ADCY2: variants seen among roughly 807,000 people sequenced by gnomAD.
ADCY2 encodes the protein adenylate cyclase type 2.
Under a neutral mutation model 125.2 loss-of-function variants are expected in ADCY2, and 31 were observed. The ratio of observed to expected loss-of-function variants is 0.25; its 90% CI spans 0.19 to 0.33. ADCY2 has a LOEUF of 0.33. Among genes scored for constraint, ADCY2 ranks in the 10% least tolerant of loss-of-function variants. ADCY2 has a pLI of 1.00. For missense variants in ADCY2, 904 were observed against 1,418.2 expected (o/e 0.64, Z 5.82); for synonymous variants, 512 against 548.4 (o/e 0.93, Z 0.93).
intron 22 of ADCY2, among the ~76,000 whole-genome samples, chr5:7,811,578 A>G (rs930717882): frequency 6.6e-6 from 1 of 152,048 alleles, no homozygotes; most frequent in Non-Finnish European, 1.5e-5. Context: ...ATTTTATCCA[A>G]ATATTATCTA....
intron 2 of ADCY2, among the ~76,000 whole-genome samples, chr5:7,470,922 T>G (rs1206490322): frequency 6.6e-6 from 1 of 151,888 alleles, no homozygotes; most frequent in East Asian, 1.9e-4. Flanking sequence ...CGATAGCTTT[T>G]GCTTTATGAA....
intron 2 of ADCY2, among the ~76,000 whole-genome samples, chr5:7,435,184 A>T (rs1740750885): frequency 6.6e-6 from 1 of 152,190 alleles, no homozygotes; most frequent in Non-Finnish European, 1.5e-5. Flanking sequence ...TGTTACGTGA[A>T]GATTCTGTGA....
intron 2 of ADCY2, among the ~76,000 whole-genome samples, chr5:7,430,582 A>G (rs1255935091): frequency 6.7e-6 from 1 of 149,172 alleles, no homozygotes; most frequent in Non-Finnish European, 1.5e-5. Flanking sequence ...GTGTATATAT[A>G]TAAAGGATAA....
At chr5:7,670,129 T>A (rs933956479) in intron 4 of ADCY2, among the ~76,000 whole-genome samples, 3 of 152,206 alleles carry the variant, frequency 2.0e-5, no homozygotes, top group Non-Finnish European at 4.4e-5. Context: ...GCCCAGTATA[T>A]GAAAAACACT....
intron 3 of ADCY2, among the ~76,000 whole-genome samples, chr5:7,625,015 T>A (rs1738075957): frequency 6.6e-6 from 1 of 152,264 alleles, no homozygotes; most frequent in African/African-American, 2.4e-5. Flanking sequence ...ACACTGTTGA[T>A]GATAATGTAA....
At chr5:7,455,382 C>A (rs968940795) in intron 2 of ADCY2, among the ~76,000 whole-genome samples, 1 of 152,218 alleles carries the variant, frequency 6.6e-6, no homozygotes, top group African/African-American at 2.4e-5. Context: ...TGCAACACAG[C>A]TGATGAAAGT....
At chr5:7,686,808 A>G (rs1194335286) in intron 4 of ADCY2, among the ~76,000 whole-genome samples, 1 of 152,254 alleles carries the variant, frequency 6.6e-6, no homozygotes, top group African/African-American at 2.4e-5. Context: ...TTTATCATGG[A>G]TGCCATAATA....
At position 7,620,457 on chromosome 5, in the gene ADCY2, C is replaced by T. The variant is rs148556521; in HGVS notation, c.571-5710C>T. 1.2e-4 allele frequency among the ~76,000 whole-genome samples: 18 copies of T among 152,334 alleles called. No homozygotes were observed. The East Asian group carries it at 3.5e-3, about 29-fold the overall frequency. On this transcript the variant is annotated intron_variant, in intron 3 of 24. Transcript: ENST00000338316. ...GACTTCAAATTAGAAGATCCTAGCA[C>T]ATGACCTAAAGATCACTGGATGTCA...
intron 23 of ADCY2, among the ~76,000 whole-genome samples, chr5:7,818,162 G>A (rs915942550): frequency 2.0e-5 from 3 of 152,094 alleles, no homozygotes; most frequent in Middle Eastern, 3.4e-3. Context: ...GGTTTTTAAC[G>A]CTCTCTTACA....
At chr5:7,590,634 T>C (rs1736824195) in intron 3 of ADCY2, among the ~76,000 whole-genome samples, 1 of 151,892 alleles carries the variant, frequency 6.6e-6, no homozygotes, top group African/African-American at 2.4e-5. Flanking sequence ...TGTTGCCTGG[T>C]TTTCTGTCAT....
intron 2 of ADCY2, among the ~76,000 whole-genome samples, chr5:7,499,613 G>T (rs1743472534): frequency 7.6e-6 from 1 of 131,750 alleles, no homozygotes; most frequent in Non-Finnish European, 1.6e-5. Context: ...ACCTATTTAG[G>T]AACAGAGCAC....
chr5:7,611,649 A>G (rs891250096), intron 3 of ADCY2, among the ~76,000 whole-genome samples: 6 of 152,180 alleles, frequency 3.9e-5, no homozygotes, highest in Non-Finnish European at 8.8e-5. Flanking sequence ...CCAGAAATGC[A>G]TTTAGACTTG....
intron 2 of ADCY2, among the ~76,000 whole-genome samples, chr5:7,480,030 C>T (rs541769991): frequency 6.6e-6 from 1 of 152,258 alleles, no homozygotes; most frequent in African/African-American, 2.4e-5. Flanking sequence ...CATCACTGAT[C>T]ATTAGAGAAA....
At chr5:7,698,113 C>A in intron 6 of ADCY2, 134 bp from the exon 7 acceptor site, 1 of 1,043,218 alleles carries the variant, frequency 9.6e-7, no homozygotes, top group Non-Finnish European at 1.4e-6. Context: ...AAGGGAAGCC[C>A]AACTGGTTCT....
intron 2 of ADCY2, among the ~76,000 whole-genome samples, chr5:7,489,514 G>C (rs939832553): frequency 1.3e-5 from 2 of 152,166 alleles, no homozygotes; most frequent in African/African-American, 2.4e-5. Context: ...ATATGGTAGT[G>C]AGTGAGTCTC....
intron 3 of ADCY2, among the ~76,000 whole-genome samples, chr5:7,570,043 C>T (rs529193016): frequency 2.0e-5 from 3 of 152,098 alleles, no homozygotes; most frequent in Admixed American, 6.6e-5. Context: ...AACTGATTGA[C>T]TGAATGACTA....
chr5:7,772,810 T>C (rs780647920), intron 17 of ADCY2, 122 bp from the exon 18 acceptor site: 6 of 863,258 alleles, frequency 7.0e-6, no homozygotes, highest in Non-Finnish European at 1.0e-5. Context: ...AACAAGCCTC[T>C]GTTTTCACAG....
chr5:7,634,945 G>A (rs1451569787), intron 4 of ADCY2, among the ~76,000 whole-genome samples: 1 of 152,186 alleles, frequency 6.6e-6, no homozygotes, highest in Non-Finnish European at 1.5e-5. Flanking sequence ...CTCTGGGGAT[G>A]TGATATCTAG....
intron 2 of ADCY2, among the ~76,000 whole-genome samples, chr5:7,469,228 T>A: frequency 6.6e-6 from 1 of 150,766 alleles, no homozygotes; most frequent in Non-Finnish European, 1.5e-5. Context: ...TTAAGTACTA[T>A]TAATTTTTTA....
Sources: allele counts gnomAD v4.1 joint callset (sites outside exome capture counted in the v4.1 genomes callset), GRCh38; gene constraint gnomAD v4.1.1; transcripts MANE v1.5; gene names NCBI Gene and HGNC (gene_info 2026-07-23, HGNC 2026-07-21).